The following SNIP1 variants were observed in gnomAD, a reference collection of about 807,000 sequenced individuals.
SNIP1 encodes smad nuclear-interacting protein 1.
A neutral mutation model predicts 37.4 loss-of-function variants in SNIP1; 23 were observed. The observed-to-expected ratio is 0.61, with a 90% CI of 0.44 to 0.87. The LOEUF is 0.87. SNIP1 is among the 40% of genes least tolerant of loss of function. The probability of loss-of-function intolerance (pLI) is 0.00; values close to 1 mark genes in which losing one functional copy is unlikely to be tolerated. For synonymous variants in SNIP1, 174 were observed against 200.0 expected, an observed-to-expected ratio of 0.87 and a Z score of 1.10; for missense variants, 459 against 540.4, an observed-to-expected ratio of 0.85 and a Z score of 1.49.
At position 37,554,109 on chromosome 1, in the gene SNIP1, G is replaced by A. The variant is rs1050240331; in HGVS notation, c.121C>T (p.Pro41Ser). The stretch of plus-strand genomic sequence containing the variant: ...GAGTGGTCCGGACGGCGGTGGGCGG[G>A]AGGTGCGACTTCTGGGCTGAGACGC... ...QERLSPEVAPPAHRRPDHSGG... is the reference protein window; with the variant it reads ...QERLSPEVAPSAHRRPDHSGG... Residue 41 changes from proline (P) to serine (S), a missense_variant, in exon 1 of 4, where the codon CCC becomes TCC. Pro to Ser is a moderately conservative substitution (Grantham distance 74, BLOSUM62 -1). Transcript: ENST00000296215. 2.0e-5 allele frequency: 33 copies of A among 1,612,326 alleles called. No homozygotes were observed. Among genetic ancestry groups the A allele is most frequent in the African/African-American group, 2.7e-5 (2 of 74,872 alleles).
At chr1:37,545,094 T>C in intron 2 of SNIP1, 1 of 743,612 alleles carries the variant, frequency 1.3e-6, no homozygotes, top group Non-Finnish European at 2.5e-6. Flanking sequence ...AATCAGTCAC[T>C]ACTGGAACTG....
In SNIP1 at chr1:37,554,266, T is replaced by C; in HGVS notation, c.-37A>G. 5 of 1,559,738 alleles carry C rather than the reference T, an allele frequency of 3.2e-6. No homozygotes were observed. Among genetic ancestry groups the C allele is most frequent in the South Asian group, 2.4e-5 (2 of 83,022 alleles). On this transcript the variant is annotated 5_prime_UTR_variant, in exon 1 of 4. Coordinates refer to ENST00000296215, the MANE Select transcript of SNIP1 (RefSeq NM_024700.4). Reference sequence around the variant, plus strand: ...GGCTGGGCGAAAGAAAACAGATCAGTTGAGCTCCTCTAGCTGGAGGAAATG... The same window carrying C: ...GGCTGGGCGAAAGAAAACAGATCAGCTGAGCTCCTCTAGCTGGAGGAAATG...
intron 2 of SNIP1, among the ~76,000 whole-genome samples, chr1:37,548,152 C>CAAAAAAA (rs35503081): frequency 5.7e-4 from 37 of 65,334 alleles, no homozygotes; most frequent in Middle Eastern, 0.019. Context: ...GACTCCATAT[C>CAAAAAAA]AAAAAAAAAA....
chr1:37,544,619 A>G, intron 2 of SNIP1: 1 of 453,202 alleles, frequency 2.2e-6, no homozygotes, highest in South Asian at 2.0e-5. Context: ...CTTGGACGGA[A>G]CCAGGCACTC....
chr1:37,540,620 C>T lies in SNIP1; in HGVS notation c.463G>A (p.Glu155Lys), dbSNP rs1490085924. Residue 155 changes from glutamate to lysine, a missense_variant, in exon 3 of 4, where the codon GAG becomes AAG. Glu to Lys is a moderately conservative substitution (Grantham distance 56). Coordinates refer to ENST00000296215, the MANE Select transcript of SNIP1 (RefSeq NM_024700.4). This position sits in a 1 kb window ranked among gnomAD's most constrained non-coding sequence, Gnocchi z 5.6. ...GHSHQRRTSN[E>K]RPGSGQGQGR... is the part of the protein sequence containing the mutation. ...TGACCCTGCCCACTCCCAGGCCTCTCGTTAGACGTTCTCCTTTGGTGGGAA... is the reference window on the plus strand; with the variant it reads ...TGACCCTGCCCACTCCCAGGCCTCTTGTTAGACGTTCTCCTTTGGTGGGAA... 6 of 1,614,106 alleles carry T rather than the reference C, an allele frequency of 3.7e-6. No homozygotes were observed. Among genetic ancestry groups the T allele is most frequent in the South Asian group, 3.3e-5 (3 of 91,078 alleles).
chr1:37,539,854 G>C (rs1241535690), intron 3 of SNIP1, among the ~76,000 whole-genome samples: 6 of 152,218 alleles, frequency 3.9e-5, no homozygotes, highest in Non-Finnish European at 2.9e-5. Context: ...AGGAGGCCGA[G>C]GCAGGAGACA....
intron 3 of SNIP1, among the ~76,000 whole-genome samples, chr1:37,539,055 T>G (rs1005445510): frequency 1.3e-5 from 2 of 152,136 alleles, no homozygotes; most frequent in African/African-American, 2.4e-5. Context: ...GATCTGTCAC[T>G]GTCACCCATC....
intron 3 of SNIP1, among the ~76,000 whole-genome samples, chr1:37,538,871 G>C (rs539243046): frequency 2.0e-5 from 3 of 152,090 alleles, no homozygotes; most frequent in African/African-American, 7.2e-5. Flanking sequence ...AGGCAAGCGA[G>C]CCAAACTTCA....
At position 37,544,761 on chromosome 1, in the gene SNIP1, CCAT is replaced by C. The variant is rs376653169; in HGVS notation, c.328-4009_328-4007del. ...CGCCGCACAGCCACCGTGGCCACCA[CCAT>C]GACGACTGCGCGTCCCCCTCGCAGG... is the stretch of plus-strand genomic sequence containing the variant. On this transcript the variant is annotated intron_variant, in intron 2 of 3. Coordinates refer to ENST00000296215, the MANE Select transcript of SNIP1 (RefSeq NM_024700.4). 4.1e-4 allele frequency: 285 copies of C among 700,724 alleles called. 1 individual carries two copies. Among genetic ancestry groups the C allele is most frequent in the African/African-American group, 3.6e-3 (206 of 57,266 alleles). 43.4% of individuals were successfully genotyped at this position (700,724 alleles called of 1,614,324 possible).
chr1:37,545,760 C>G (rs916557853), intron 2 of SNIP1, among the ~76,000 whole-genome samples: 14 of 151,930 alleles, frequency 9.2e-5, no homozygotes, highest in Non-Finnish European at 7.4e-5. Flanking sequence ...GAGTTCGAGA[C>G]CAGCCTGGGT....
At position 37,537,597 on chromosome 1, in the gene SNIP1, CAATCTGGTCAGCAACAGAGGA is replaced by C; in HGVS notation, c.*130_*150del. 4.8e-6 allele frequency: 4 copies of C among 830,596 alleles called. No homozygotes were observed. The highest frequency in any genetic ancestry group is 5.7e-6 in the Non-Finnish European group (3 of 530,474). The allele number at this position is 830,596 out of a possible 1,614,324, so 51.5% of individuals were successfully genotyped here. ...TAGTCAGTGTATTCAAATGGTAACACAATCTGGTCAGCAACAGAGGAAAGACTTAAGGCAGTAAGAGGCATT... is the reference window on the plus strand; with the variant it reads ...TAGTCAGTGTATTCAAATGGTAACACAAGACTTAAGGCAGTAAGAGGCATT... On this transcript the variant is annotated 3_prime_UTR_variant, in exon 4 of 4. Transcript: ENST00000296215.
chr1:37,540,599 C>G lies in SNIP1; in HGVS notation c.484G>C (p.Gly162Arg). 1 of 1,614,138 alleles carries G rather than the reference C, an allele frequency of 6.2e-7. No individual in the cohort carries two copies. The highest frequency in any genetic ancestry group is 8.5e-7 in the Non-Finnish European group (1 of 1,180,032). Reference protein sequence around the residue: ...TSNERPGSGQGQGRDRDTQNL... With the variant: ...TSNERPGSGQRQGRDRDTQNL... ...TGAGTGTCTCGATCCCGTCCCTGACCCTGCCCACTCCCAGGCCTCTCGTTA... is the reference window on the plus strand; with the variant it reads ...TGAGTGTCTCGATCCCGTCCCTGACGCTGCCCACTCCCAGGCCTCTCGTTA... Residue 162 changes from glycine (G) to arginine (R), a missense_variant, in exon 3 of 4, where the codon GGT becomes CGT. Coordinates refer to ENST00000296215, the MANE Select transcript of SNIP1 (RefSeq NM_024700.4). This position sits in a 1 kb window ranked among gnomAD's most constrained non-coding sequence, Gnocchi z 5.6.
At chr1:37,549,298 A>G (rs902492672) in intron 2 of SNIP1, among the ~76,000 whole-genome samples, 1 of 152,216 alleles carries the variant, frequency 6.6e-6, no homozygotes, top group African/African-American at 2.4e-5. Flanking sequence ...GATATCAAAG[A>G]TGATCTAAAT....
chr1:37,548,439 C>T (rs2148116414), intron 2 of SNIP1, among the ~76,000 whole-genome samples: 1 of 151,816 alleles, frequency 6.6e-6, no homozygotes, highest in Admixed American at 6.6e-5. Context: ...CCTCAGCCTC[C>T]CAAGTAGCTG....
In SNIP1 at chr1:37,554,106, C is replaced by G; in HGVS notation, c.124G>C (p.Ala42Pro). ...ERLSPEVAPP[A>P]HRRPDHSGGS... ...CCGGAGTGGTCCGGACGGCGGTGGGCGGGAGGTGCGACTTCTGGGCTGAGA... is the reference window on the plus strand; with the variant it reads ...CCGGAGTGGTCCGGACGGCGGTGGGGGGGAGGTGCGACTTCTGGGCTGAGA... Residue 42 changes from alanine to proline, a missense_variant, in exon 1 of 4, where the codon GCC becomes CCC. Physicochemically the swap from Ala to Pro is conservative, Grantham distance 27. Coordinates refer to ENST00000296215, the MANE Select transcript of SNIP1 (RefSeq NM_024700.4). The G allele has an allele frequency of 6.2e-7, 1 of 1,611,790 alleles. No homozygotes were observed.
intron 2 of SNIP1, among the ~76,000 whole-genome samples, chr1:37,551,269 CAAAA>C (rs56350752): frequency 1.8e-5 from 2 of 108,322 alleles, no homozygotes; most frequent in African/African-American, 3.9e-5. Flanking sequence ...GACTCTGTCT[CAAAA>C]AAAAAAAAAA....
rs1270477997 is a variant in SNIP1, at chr1:37,540,714, C to T, written c.369G>A (p.Gln123=). 6.2e-6 allele frequency: 10 copies of T among 1,613,022 alleles called. No individual in the cohort carries two copies. The highest frequency in any genetic ancestry group is 7.6e-6 in the Non-Finnish European group (9 of 1,179,676). The change falls in exon 3 of 4, where the codon CAG becomes CAA. Residue 123 remains glutamine (Q), a synonymous_variant. Coordinates refer to ENST00000296215, the MANE Select transcript of SNIP1 (RefSeq NM_024700.4). The surrounding 1 kb of genome is among the most constrained non-coding windows in gnomAD (Gnocchi z 5.6). Reference sequence around the variant, plus strand: ...GTTCCTGTTCTGATGGTTCCCTGTGCTGCCGATCCTCCCGTCCTCTCCGGG... The same window carrying T: ...GTTCCTGTTCTGATGGTTCCCTGTGTTGCCGATCCTCCCGTCCTCTCCGGG... The part of the protein sequence containing the change: ...DHPRRGREDR[Q]HREPSEQEHR...
Position 37,540,295 on chromosome 1 carries a change from G to C in SNIP1, c.788C>G (p.Pro263Arg). The C allele has an allele frequency of 6.2e-7, 1 of 1,614,162 alleles. No individual in the cohort carries two copies. Among genetic ancestry groups the C allele is most frequent in the Non-Finnish European group, 8.5e-7 (1 of 1,180,028 alleles). Residue 263 changes from proline (P) to arginine (R), a missense_variant, in exon 3 of 4, where the codon CCA becomes CGA. Pro to Arg is a moderately radical substitution (Grantham distance 103). Coordinates refer to ENST00000296215, the MANE Select transcript of SNIP1 (RefSeq NM_024700.4). This position sits in a 1 kb window ranked among gnomAD's most constrained non-coding sequence, Gnocchi z 5.6. ...TGGAAGCACCTCATCATTTTTAAATGGGTAGAGACGCCACCGTTTTTTGGG... is the reference window on the plus strand; with the variant it reads ...TGGAAGCACCTCATCATTTTTAAATCGGTAGAGACGCCACCGTTTTTTGGG... ...RIPKKRWRLY[P>R]FKNDEVLPVM...
Position 37,540,615 on chromosome 1 carries a change from C to CGAGAAA in SNIP1, c.467_468insTTTCTC (p.Arg156delinsSerPheSer). 6.2e-7 allele frequency: 1 copy of CGAGAAA among 1,614,132 alleles called. No individual in the cohort carries two copies. Among genetic ancestry groups the CGAGAAA allele is most frequent in the Non-Finnish European group, 8.5e-7 (1 of 1,180,030 alleles). Reference sequence around the variant, plus strand: ...GTCCCTGACCCTGCCCACTCCCAGGCCTCTCGTTAGACGTTCTCCTTTGGT... The same window carrying CGAGAAA: ...GTCCCTGACCCTGCCCACTCCCAGGCGAGAAACTCTCGTTAGACGTTCTCCTTTGGT... On this transcript the variant is annotated protein_altering_variant, in exon 3 of 4. Coordinates refer to ENST00000296215, the MANE Select transcript of SNIP1 (RefSeq NM_024700.4). This position sits in a 1 kb window ranked among gnomAD's most constrained non-coding sequence, Gnocchi z 5.6.
Sources: allele counts gnomAD v4.1 joint callset (sites outside exome capture counted in the v4.1 genomes callset), GRCh38; gene constraint gnomAD v4.1.1; non-coding constraint Gnocchi (gnomAD v3.1); transcripts MANE v1.5; gene names NCBI Gene and HGNC (gene_info 2026-07-23, HGNC 2026-07-21).